Variants in ANKRD36C observed in about 807,000 individuals in gnomAD.
ANKRD36C encodes ankyrin repeat domain 36C.
ANKRD36C carries 61 observed loss-of-function variants against 276.4 expected under a neutral mutation model. The observed-to-expected ratio is 0.22, with a 90% CI of 0.18 to 0.27. The LOEUF is 0.27. Among genes scored for constraint, ANKRD36C ranks in the 10% least tolerant of loss-of-function variants. The pLI, the probability that ANKRD36C is intolerant of heterozygous loss-of-function variation, is 1.00. For synonymous variants in ANKRD36C, 483 were observed against 680.1 expected, an observed-to-expected ratio of 0.71 and a Z score of 4.51; for missense variants, 1,447 against 2,032.3, an observed-to-expected ratio of 0.71 and a Z score of 5.54.
chr2:95,884,835 A>G (rs1487112170), intron 52 of ANKRD36C, among the ~76,000 whole-genome samples: 10 of 144,788 alleles, frequency 6.9e-5, no homozygotes, highest in Non-Finnish European at 1.5e-4. Flanking sequence ...CACAATTACA[A>G]TGACACTTCA....
chr2:95,891,719 C>T (rs1309034171), exon 46 of ANKRD36C: 17 of 1,581,664 alleles, frequency 1.1e-5, no homozygotes, highest in Admixed American at 7.1e-5. Flanking sequence ...AAAACAGAAT[C>T]TTTCTCGTCA....
chr2:95,895,903 G>A (rs4146063), intron 44 of ANKRD36C, among the ~76,000 whole-genome samples: 8,353 of 150,690 alleles, frequency 0.055, 420 homozygotes, highest in East Asian at 0.18. Flanking sequence ...GAAAACAGAG[G>A]AGCAACTCAT....
At chr2:95,984,194 AAT>A (rs1678979751) in intron 3 of ANKRD36C, among the ~76,000 whole-genome samples, 1 of 151,680 alleles carries the variant, frequency 6.6e-6, no homozygotes, top group African/African-American at 2.4e-5. Flanking sequence ...TATTTACTAA[AAT>A]ATATTATAAA....
At chr2:95,930,533 A>G (rs1330465876) in intron 24 of ANKRD36C, among the ~76,000 whole-genome samples, 1 of 151,578 alleles carries the variant, frequency 6.6e-6, no homozygotes, top group East Asian at 1.9e-4. Flanking sequence ...CCACTTTTGC[A>G]AAAACATACA....
Position 95,891,754 on chromosome 2 carries a change from A to G in ANKRD36C, c.2785-17T>C, listed in dbSNP as rs750144545. 1 of 1,572,114 alleles carries G rather than the reference A, an allele frequency of 6.4e-7. No individual in the cohort carries two copies. Among genetic ancestry groups the G allele is most frequent in the South Asian group, 1.2e-5 (1 of 86,572 alleles). ...ACTTGTAGCCTGAATGGAATTTGAAATGAAATAATAAATTAATAAAGTATG... is the reference window on the plus strand; with the variant it reads ...ACTTGTAGCCTGAATGGAATTTGAAGTGAAATAATAAATTAATAAAGTATG... On this transcript the variant is annotated splice_polypyrimidine_tract_variant and intron_variant, in intron 45 of 66. Coordinates refer to ENST00000456556, the Ensembl canonical transcript of ANKRD36C.
chr2:95,926,633 T>G (rs931667355), intron 28 of ANKRD36C, among the ~76,000 whole-genome samples: 1 of 151,584 alleles, frequency 6.6e-6, no homozygotes, highest in African/African-American at 2.4e-5. Context: ...TTCCACTGTT[T>G]CCTAAAGCAG....
At chr2:95,928,696 C>T (rs954124450) in intron 26 of ANKRD36C, among the ~76,000 whole-genome samples, 2 of 151,366 alleles carry the variant, frequency 1.3e-5, no homozygotes, top group African/African-American at 4.8e-5. Context: ...GATCACTTTT[C>T]CCTCTGTTTA....
chr2:95,850,216 A>G (rs1329832560), downstream of ANKRD36C, among the ~76,000 whole-genome samples: 1 of 152,300 alleles, frequency 6.6e-6, no homozygotes, highest in Non-Finnish European at 1.5e-5. Flanking sequence ...TCATTCATGT[A>G]TTCAGCAACC....
At chr2:95,980,835 T>A (rs2918844) in intron 4 of ANKRD36C, 50 bp from the exon 5 acceptor site, 578 of 1,540,754 alleles carry the variant, frequency 3.8e-4, no homozygotes, top group Middle Eastern at 5.3e-4. Flanking sequence ...TTTAAAAGCT[T>A]AGTTTATATA....
rs1292737867 is a variant in ANKRD36C at position 95,980,833 on chromosome 2, C to G, written c.594-48G>C. 3 of 1,542,362 alleles carry G rather than the reference C, an allele frequency of 1.9e-6. No homozygotes were observed. In the Admixed American group the frequency reaches 6.0e-5, roughly 31 times the overall value. ...AAAAACTTTAATGACATTTTAAAAGCTTAGTTTATATACTTTATCAACTTA... is the reference window on the plus strand; with the variant it reads ...AAAAACTTTAATGACATTTTAAAAGGTTAGTTTATATACTTTATCAACTTA... On this transcript the variant is annotated intron_variant, in intron 4 of 66. Coordinates refer to ENST00000456556, the Ensembl canonical transcript of ANKRD36C.
intron 42 of ANKRD36C, among the ~76,000 whole-genome samples, chr2:95,911,586 A>C (rs1260183490): frequency 6.6e-6 from 1 of 151,490 alleles, no homozygotes; most frequent in African/African-American, 2.4e-5. Context: ...AATAGTAACA[A>C]AGAGGAGTAA....
rs530831108 is a variant in ANKRD36C at position 95,893,456 on chromosome 2, C to G, written c.2756-1596G>C. Reference sequence around the variant, plus strand: ...CAGAAAGTGCAGCTTCGACGAGCCCCCCGCTGATTTATTTGGGGAAGGGAA... The same window carrying G: ...CAGAAAGTGCAGCTTCGACGAGCCCGCCGCTGATTTATTTGGGGAAGGGAA... On this transcript the variant is annotated intron_variant, in intron 44 of 66. Coordinates refer to ENST00000456556, the Ensembl canonical transcript of ANKRD36C. 1.6e-3 allele frequency: 2,376 copies of G among 1,520,324 alleles called. 7 individuals are homozygous for G. Among genetic ancestry groups the G allele is most frequent in the Non-Finnish European group, 1.8e-3 (2,078 of 1,130,282 alleles). 94.2% of individuals were successfully genotyped at this position (1,520,324 alleles called of 1,614,324 possible).
intron 30 of ANKRD36C, among the ~76,000 whole-genome samples, chr2:95,924,479 C>A (rs1279179392): frequency 6.6e-6 from 1 of 151,508 alleles, no homozygotes; most frequent in African/African-American, 2.4e-5. Context: ...TTGAAAATAA[C>A]CATTTTAGGA....
chr2:95,888,942 A>G (rs190639783), intron 48 of ANKRD36C, among the ~76,000 whole-genome samples: 2 of 151,798 alleles, frequency 1.3e-5, no homozygotes, highest in Admixed American at 6.6e-5. Flanking sequence ...ATTAGAATTC[A>G]ACATATTTTT....
chr2:95,866,059 G>A (rs1174117241), intron 60 of ANKRD36C, among the ~76,000 whole-genome samples: 6 of 152,214 alleles, frequency 3.9e-5, no homozygotes, highest in African/African-American at 1.4e-4. Flanking sequence ...TTCAACATGT[G>A]GTGTTGGAAC....
intron 30 of ANKRD36C, 104 bp from the exon 31 acceptor site, chr2:95,923,793 A>C: frequency 6.7e-7 from 1 of 1,497,852 alleles, no homozygotes; most frequent in South Asian, 1.2e-5. Context: ...TGCCTGTATT[A>C]GTATAGGCTT....
chr2:95,915,608 TTCTG>T (rs1677069043), intron 38 of ANKRD36C, among the ~76,000 whole-genome samples: 1 of 151,502 alleles, frequency 6.6e-6, no homozygotes, highest in Non-Finnish European at 1.5e-5. Flanking sequence ...ATGAACACTT[TTCTG>T]TCTGTTTTTA....
At chr2:95,943,196 A>C (rs368393498) in intron 19 of ANKRD36C, among the ~76,000 whole-genome samples, 585 of 133,418 alleles carry the variant, frequency 4.4e-3, no homozygotes, top group South Asian at 7.9e-3. Flanking sequence ...AAAATTAACC[A>C]GAAATGGCTA....
At chr2:95,963,962 T>TATAA in intron 6 of ANKRD36C, among the ~76,000 whole-genome samples, 1 of 65,694 alleles carries the variant, frequency 1.5e-5, no homozygotes, top group African/African-American at 5.6e-5. Flanking sequence ...TATATAAATA[T>TATAA]ATATATATAA....
Sources: allele counts gnomAD v4.1 joint callset (sites outside exome capture counted in the v4.1 genomes callset), GRCh38; gene constraint gnomAD v4.1.1; transcripts MANE v1.5; gene names NCBI Gene and HGNC (gene_info 2026-07-23, HGNC 2026-07-21).